GRID1: variants seen among roughly 807,000 people sequenced by gnomAD.
GRID1 encodes glutamate ionotropic receptor delta type subunit 1.
In GRID1, 28 loss-of-function variants were observed where a neutral mutation model predicts 98.0. The observed-to-expected ratio is 0.29, with a 90% CI of 0.21 to 0.39. GRID1 has a LOEUF of 0.39. GRID1 is among the 10% of genes least tolerant of loss of function. The pLI is 1.00. For missense variants in GRID1, 1,111 were observed against 1,340.5 expected (o/e 0.83, Z 2.67); for synonymous variants, 553 against 538.5 (o/e 1.03, Z -0.37).
At position 86,236,126 on chromosome 10, in the gene GRID1, T is replaced by A. The variant is rs994351699; in HGVS notation, c.236-29478A>T. Among the ~76,000 whole-genome samples, 6 of 152,248 alleles carry A rather than the reference T, an allele frequency of 3.9e-5. No homozygotes were observed. The South Asian group carries it at 1.2e-3, about 31-fold the overall frequency. ...GTATCTGATTATGTTTTGATTTGCA[T>A]GTCCCTAAAGACTAACATTATTGAA... On this transcript the variant is annotated intron_variant, in intron 2 of 15. Transcript: ENST00000327946.
chr10:85,683,043 A>G (rs1841228549), intron 12 of GRID1, among the ~76,000 whole-genome samples: 1 of 152,192 alleles, frequency 6.6e-6, no homozygotes, highest in Non-Finnish European at 1.5e-5. Context: ...GTGATACCCA[A>G]TTCCCATGGT....
intron 2 of GRID1, among the ~76,000 whole-genome samples, chr10:86,268,965 G>A (rs374499106): frequency 1.4e-4 from 21 of 152,148 alleles, no homozygotes; most frequent in African/African-American, 3.9e-4. Flanking sequence ...ACTCCAGCCC[G>A]GGTGACAGAG....
At chr10:86,251,936 AG>A (rs1846841740) in intron 2 of GRID1, among the ~76,000 whole-genome samples, 1 of 152,168 alleles carries the variant, frequency 6.6e-6, no homozygotes, top group African/African-American at 2.4e-5. Context: ...TGCCTAAAGG[AG>A]TCATCTGCAG....
At chr10:86,003,516 C>T (rs1205396737) in intron 4 of GRID1, among the ~76,000 whole-genome samples, 1 of 152,348 alleles carries the variant, frequency 6.6e-6, no homozygotes, top group South Asian at 2.1e-4. Flanking sequence ...GCTCAGGCAG[C>T]TTCTGAGAGC....
intron 2 of GRID1, among the ~76,000 whole-genome samples, chr10:86,279,852 A>C (rs1283714465): frequency 6.6e-6 from 1 of 152,210 alleles, no homozygotes; most frequent in Non-Finnish European, 1.5e-5. Flanking sequence ...ATTTGATGGA[A>C]TCTACCCTTT....
Position 86,288,579 on chromosome 10 carries a change from C to T in GRID1, c.235+75362G>A, listed in dbSNP as rs115015793. Among the ~76,000 whole-genome samples, 1,164 of 152,248 alleles carry T rather than the reference C, an allele frequency of 7.6e-3. 19 individuals carry two copies. Among genetic ancestry groups the T allele is most frequent in the African/African-American group, 0.027 (1,102 of 41,526 alleles). Reference sequence around the variant, plus strand: ...GAACCCAGGAGTCCTGCTGAACAGCCGTGCTTGCCTCTCGGTTGCGTTCTG... The same window carrying T: ...GAACCCAGGAGTCCTGCTGAACAGCTGTGCTTGCCTCTCGGTTGCGTTCTG... On this transcript the variant is annotated intron_variant, in intron 2 of 15. Coordinates refer to ENST00000327946, the MANE Select transcript of GRID1 (RefSeq NM_017551.3).
chr10:85,956,881 G>A (rs141149980), intron 4 of GRID1, among the ~76,000 whole-genome samples: 10 of 152,262 alleles, frequency 6.6e-5, no homozygotes, highest in African/African-American at 1.2e-4. Flanking sequence ...GTATCAGTTC[G>A]TTTTCAGGTT....
chr10:86,069,243 AG>A (rs1843762964), intron 4 of GRID1, among the ~76,000 whole-genome samples: 1 of 152,100 alleles, frequency 6.6e-6, no homozygotes, highest in Admixed American at 6.5e-5. Context: ...ACAGTTGCCA[AG>A]GGGAGGTGAT....
At chr10:85,924,527 C>A (rs747001056) in intron 4 of GRID1, among the ~76,000 whole-genome samples, 14 of 152,188 alleles carry the variant, frequency 9.2e-5, no homozygotes, top group Non-Finnish European at 1.6e-4. Flanking sequence ...GAGCGTTGAA[C>A]CTCCTGATGC....
At chr10:85,783,369 C>A (rs1328432077) in intron 8 of GRID1, among the ~76,000 whole-genome samples, 1 of 152,204 alleles carries the variant, frequency 6.6e-6, no homozygotes, top group East Asian at 1.9e-4. Context: ...GACAGAGAGA[C>A]TGACCACACA....
intron 5 of GRID1, among the ~76,000 whole-genome samples, chr10:85,906,513 T>C (rs1001464971): frequency 1.3e-5 from 2 of 152,144 alleles, no homozygotes; most frequent in Admixed American, 6.5e-5. Context: ...CAAATCAGTC[T>C]CAATAATTTT....
intron 3 of GRID1, among the ~76,000 whole-genome samples, chr10:86,158,953 G>T (rs1433722752): frequency 6.6e-6 from 1 of 152,076 alleles, no homozygotes; most frequent in Non-Finnish European, 1.5e-5. Flanking sequence ...GAGTGCAGTG[G>T]CGCGATCTTG....
intron 13 of GRID1, among the ~76,000 whole-genome samples, chr10:85,635,755 G>T (rs771531756): frequency 1.3e-5 from 2 of 152,168 alleles, no homozygotes; most frequent in Non-Finnish European, 2.9e-5. Context: ...AAGGGGAAAG[G>T]GAAAGCCCAG....
intron 12 of GRID1, among the ~76,000 whole-genome samples, chr10:85,648,306 G>T (rs141779422): frequency 2.0e-5 from 3 of 152,098 alleles, no homozygotes; most frequent in African/African-American, 7.2e-5. Context: ...AGGACCAGTC[G>T]CTATGAAGAT....
At chr10:85,606,345 G>A (rs193093824) in intron 15 of GRID1, 5 of 152,266 alleles carry the variant, frequency 3.3e-5, no homozygotes, top group African/African-American at 1.2e-4. Flanking sequence ...TGCTTATTAA[G>A]AAATCCATCC....
intron 4 of GRID1, among the ~76,000 whole-genome samples, chr10:86,095,942 G>T (rs1005400694): frequency 6.6e-6 from 1 of 152,168 alleles, no homozygotes; most frequent in African/African-American, 2.4e-5. Context: ...ATTCACAATT[G>T]CAAAATCATG....
chr10:85,680,963 A>G lies in GRID1; in HGVS notation c.1998-33566T>C, dbSNP rs539441083. ...TACACATGGGCATAGAAAGTAGAATACCAGACACTGGAGACTCAGAAGGGT... is the reference window on the plus strand; with the variant it reads ...TACACATGGGCATAGAAAGTAGAATGCCAGACACTGGAGACTCAGAAGGGT... On this transcript the variant is annotated intron_variant, in intron 12 of 15. Transcript: ENST00000327946. 2.6e-5 allele frequency among the ~76,000 whole-genome samples: 4 copies of G among 152,270 alleles called. No individual in the cohort carries two copies. The South Asian group carries it at 6.2e-4, about 24-fold the overall frequency.
At chr10:86,044,770 GA>G (rs1843398081) in intron 4 of GRID1, among the ~76,000 whole-genome samples, 1 of 152,206 alleles carries the variant, frequency 6.6e-6, no homozygotes, top group East Asian at 1.9e-4. Context: ...TGCTAGAGGA[GA>G]AGCAATACCC....
At chr10:85,758,739 C>A (rs1842121057) in intron 8 of GRID1, among the ~76,000 whole-genome samples, 1 of 152,206 alleles carries the variant, frequency 6.6e-6, no homozygotes, top group Admixed American at 6.5e-5. Context: ...TAGCTCACCA[C>A]AGCCTATCTT....
Sources: allele counts gnomAD v4.1 joint callset (sites outside exome capture counted in the v4.1 genomes callset), GRCh38; gene constraint gnomAD v4.1.1; transcripts MANE v1.5; gene names NCBI Gene and HGNC (gene_info 2026-07-23, HGNC 2026-07-21).